Variants in PTAR1 observed in about 807,000 individuals in gnomAD.
The protein encoded by PTAR1 is protein prenyltransferase alpha subunit repeat containing 1.
A neutral mutation model predicts 45.5 loss-of-function variants in PTAR1; 17 were observed. The ratio of observed to expected loss-of-function variants is 0.37; its 90% CI spans 0.26 to 0.56. The LOEUF (loss-of-function observed/expected upper bound fraction) is 0.56, where lower values mean the gene tolerates loss of function less well. Among genes scored for constraint, PTAR1 ranks in the 20% least tolerant of loss-of-function variants. The pLI, the probability that PTAR1 is intolerant of heterozygous loss-of-function variation, is 0.77. For missense variants in PTAR1, 391 were observed against 476.3 expected, an observed-to-expected ratio of 0.82 and a Z score of 1.67; for synonymous variants, 169 against 171.3, an observed-to-expected ratio of 0.99 and a Z score of 0.11.
chr9:69,711,002 A>T lies in PTAR1; in HGVS notation c.*7340T>A, dbSNP rs990818352. 6.6e-6 allele frequency: 1 copy of T among 152,128 alleles called. No homozygotes were observed. Among genetic ancestry groups the T allele is most frequent in the African/African-American group, 2.4e-5 (1 of 41,440 alleles). 9.4% of individuals were successfully genotyped at this position (152,128 alleles called of 1,614,324 possible). ...AAGCTCCTCCATGTTAAATTATGCAATTGACTAGTGTCCACAAAATTCGAG... is the reference window on the plus strand; with the variant it reads ...AAGCTCCTCCATGTTAAATTATGCATTTGACTAGTGTCCACAAAATTCGAG... On this transcript the variant is annotated 3_prime_UTR_variant, in exon 8 of 8. Coordinates refer to ENST00000340434, the MANE Select transcript of PTAR1 (RefSeq NM_001099666.2).
chr9:69,750,214 G>C (rs1320032162), intron 2 of PTAR1, among the ~76,000 whole-genome samples: 1 of 151,948 alleles, frequency 6.6e-6, no homozygotes, highest in Non-Finnish European at 1.5e-5. Context: ...TGGAAGAAGT[G>C]AATGCCGGAT....
At position 69,718,250 on chromosome 9, in the gene PTAR1, A is replaced by C. The variant is rs982330570; in HGVS notation, c.*92T>G. ...AAAGACGAAGAACATATGGTTAGCCAATAATAGTAAACAGTTCATGCAACT... is the reference window on the plus strand; with the variant it reads ...AAAGACGAAGAACATATGGTTAGCCCATAATAGTAAACAGTTCATGCAACT... On this transcript the variant is annotated 3_prime_UTR_variant, in exon 8 of 8. Coordinates refer to ENST00000340434, the MANE Select transcript of PTAR1 (RefSeq NM_001099666.2). 1 of 839,148 alleles carries C rather than the reference A, an allele frequency of 1.2e-6. No individual in the cohort carries two copies. The highest frequency in any genetic ancestry group is 1.7e-5 in the African/African-American group (1 of 58,350). The allele number at this position is 839,148 out of a possible 1,614,324, so 52.0% of individuals were successfully genotyped here.
At chr9:69,749,683 A>G (rs1826437889) in intron 2 of PTAR1, among the ~76,000 whole-genome samples, 2 of 152,118 alleles carry the variant, frequency 1.3e-5, no homozygotes, top group Admixed American at 1.3e-4. Flanking sequence ...AGTGTTATTA[A>G]CCAATTAATG....
At chr9:69,743,936 T>C (rs1564142536) in intron 2 of PTAR1, among the ~76,000 whole-genome samples, 1 of 152,200 alleles carries the variant, frequency 6.6e-6, no homozygotes, top group African/African-American at 2.4e-5. Flanking sequence ...AATTAATTCT[T>C]AGTGGAATTA....
At chr9:69,748,330 G>A (rs1173929921) in intron 2 of PTAR1, among the ~76,000 whole-genome samples, 1 of 151,592 alleles carries the variant, frequency 6.6e-6, no homozygotes, top group Non-Finnish European at 1.5e-5. Context: ...TCTTATATCT[G>A]TTATGGATTT....
chr9:69,757,171 G>C (rs1402326517), intron 1 of PTAR1: 1 of 152,182 alleles, frequency 6.6e-6, no homozygotes, highest in African/African-American at 2.4e-5. Flanking sequence ...TGCTGGATAA[G>C]ATTAATTTTA....
At chr9:69,741,092 G>A (rs1204379473) in intron 3 of PTAR1, among the ~76,000 whole-genome samples, 1 of 152,072 alleles carries the variant, frequency 6.6e-6, no homozygotes, top group African/African-American at 2.4e-5. Context: ...AATGTCTCAG[G>A]GCTCAGTCTT....
chr9:69,744,324 CA>C (rs201463971), intron 2 of PTAR1, among the ~76,000 whole-genome samples: 1 of 148,692 alleles, frequency 6.7e-6, no homozygotes, highest in African/African-American at 2.5e-5. Flanking sequence ...TAATATTTAA[CA>C]AAAAAAAAGT....
rs537929943 is a variant in PTAR1, at chr9:69,709,953, C to T, written c.*8389G>A. 4 of 152,148 alleles carry T rather than the reference C, an allele frequency of 2.6e-5. No homozygotes were observed. Among genetic ancestry groups the T allele is most frequent in the African/African-American group, 7.2e-5 (3 of 41,510 alleles). 9.4% of individuals were successfully genotyped at this position (152,148 alleles called of 1,614,324 possible). A position where few individuals can be genotyped will look rare whatever the true frequency, so the allele number is the denominator to read the frequency against. Reference sequence around the variant, plus strand: ...TATTTTACATGGTATGGAATTATTCCTCCTTAATAATGCTTGGCAAATTGG... The same window carrying T: ...TATTTTACATGGTATGGAATTATTCTTCCTTAATAATGCTTGGCAAATTGG... On this transcript the variant is annotated 3_prime_UTR_variant, in exon 8 of 8. Coordinates refer to ENST00000340434, the MANE Select transcript of PTAR1 (RefSeq NM_001099666.2).
chr9:69,725,718 A>T (rs1825246109), intron 5 of PTAR1, among the ~76,000 whole-genome samples: 1 of 152,084 alleles, frequency 6.6e-6, no homozygotes, highest in South Asian at 2.1e-4. Flanking sequence ...TAGAAACTTT[A>T]ACTGGAATTT....
intron 2 of PTAR1, among the ~76,000 whole-genome samples, chr9:69,748,477 G>A (rs1826376379): frequency 6.6e-6 from 1 of 152,030 alleles, no homozygotes; most frequent in South Asian, 2.1e-4. Context: ...AATTCAGCAG[G>A]TTAATGAAAA....
At chr9:69,718,953 A>G (rs1432890155) in intron 6 of PTAR1, among the ~76,000 whole-genome samples, 1 of 152,188 alleles carries the variant, frequency 6.6e-6, no homozygotes, top group African/African-American at 2.4e-5. Context: ...TGAGATGACA[A>G]TGACTTGGAG....
chr9:69,718,383 C>T lies in PTAR1; in HGVS notation c.1168G>A (p.Ala390Thr). The T allele has an allele frequency of 6.2e-7, 1 of 1,612,528 alleles. No homozygotes were observed. Among genetic ancestry groups the T allele is most frequent in the Non-Finnish European group, 8.5e-7 (1 of 1,178,954 alleles). The change falls in exon 8 of 8, where the codon GCC (alanine) becomes ACC (threonine). Residue 390 changes from alanine to threonine, a missense_variant. Ala to Thr is a moderately conservative substitution (Grantham distance 58). Around this residue, in one of 5 missense-constraint regions of PTAR1, gnomAD observed 181 missense variants for 227.7 expected, o/e 0.80. Coordinates refer to ENST00000340434, the MANE Select transcript of PTAR1 (RefSeq NM_001099666.2). ...ACCAGCCATTTCCTGTATGCACTGG[C>T]AAACCTGGCTTGCTCCACGTTCCGA... ...TCRNVEQARFASAYRKWLVTL... is the reference protein window; with the variant it reads ...TCRNVEQARFTSAYRKWLVTL...
chr9:69,753,528 A>C (rs899436533), intron 1 of PTAR1, among the ~76,000 whole-genome samples: 1 of 152,180 alleles, frequency 6.6e-6, no homozygotes, highest in Admixed American at 6.5e-5. Context: ...ATATACATAC[A>C]TATCAGTATC....
In PTAR1 at chr9:69,750,841, G is replaced by A. The variant is rs1422721890; in HGVS notation, c.196C>T (p.Pro66Ser). Residue 66 changes from proline (P) to serine (S), a missense_variant, in exon 2 of 8, where the codon CCA becomes TCA. By Grantham distance (74) the Pro-to-Ser change is moderately conservative. Around this residue, in one of 5 missense-constraint regions of PTAR1, gnomAD observed 152 missense variants for 160.0 expected, o/e 0.95. Coordinates refer to ENST00000340434, the MANE Select transcript of PTAR1 (RefSeq NM_001099666.2). Reference protein sequence around the residue: ...VESWCVKFLLPYVHNKLLLYR... With the variant: ...VESWCVKFLLSYVHNKLLLYR... Reference sequence around the variant, plus strand: ...AAAAGGAGCTTGTTGTGGACATATGGTAAAAGGAACTTGACACACCAGCTC... The same window carrying A: ...AAAAGGAGCTTGTTGTGGACATATGATAAAAGGAACTTGACACACCAGCTC... 1.2e-6 allele frequency: 2 copies of A among 1,611,434 alleles called. No homozygotes were observed. The highest frequency in any genetic ancestry group is 4.5e-5 in the East Asian group (2 of 44,836).
Position 69,728,597 on chromosome 9 carries a change from T to G in PTAR1, c.642+3542A>C, listed in dbSNP as rs371301745. Among the ~76,000 whole-genome samples the G allele has an allele frequency of 5.9e-5, 9 of 152,330 alleles. No homozygotes were observed. The South Asian group carries it at 1.2e-3, about 21-fold the overall frequency. ...TAAAGATGGTGAATATCTTTTCATGTCCTTATTGGTGGTGTGGGTAGGTTT... is the reference window on the plus strand; with the variant it reads ...TAAAGATGGTGAATATCTTTTCATGGCCTTATTGGTGGTGTGGGTAGGTTT... On this transcript the variant is annotated intron_variant, in intron 5 of 7. Coordinates refer to ENST00000340434, the MANE Select transcript of PTAR1 (RefSeq NM_001099666.2).
At chr9:69,736,437 G>A (rs556774098) in intron 3 of PTAR1, among the ~76,000 whole-genome samples, 1 of 152,132 alleles carries the variant, frequency 6.6e-6, no homozygotes, top group Non-Finnish European at 1.5e-5. Context: ...CGCACCTGTA[G>A]TCCCAGCTAC....
At position 69,759,842 on chromosome 9, in the gene PTAR1, G is replaced by A; in HGVS notation, c.86+11C>T. On this transcript the variant is annotated intron_variant, in intron 1 of 7. Coordinates refer to ENST00000340434, the MANE Select transcript of PTAR1 (RefSeq NM_001099666.2). ...GACGACCCTCGGAGGCGGCGGAGGC[G>A]CGCGACTCACATGTGTGGGTTCCTC... is the stretch of plus-strand genomic sequence containing the variant. The A allele has an allele frequency of 1.3e-6, 2 of 1,516,630 alleles. No homozygotes were observed. Among genetic ancestry groups the A allele is most frequent in the South Asian group, 1.2e-5 (1 of 81,604 alleles). 93.9% of individuals were successfully genotyped at this position (1,516,630 alleles called of 1,614,324 possible).
rs1824517692 is a variant in PTAR1 at position 69,711,369 on chromosome 9, C to T, written c.*6973G>A. On this transcript the variant is annotated 3_prime_UTR_variant, in exon 8 of 8. Transcript: ENST00000340434. The stretch of plus-strand genomic sequence containing the variant: ...GAATGTTTATTTGTGTTTTATAAAA[C>T]TGTTTAATCTTTTTACATTAGGTAA... 1 of 152,136 alleles carries T rather than the reference C, an allele frequency of 6.6e-6. No homozygotes were observed. Among genetic ancestry groups the T allele is most frequent in the Non-Finnish European group, 1.5e-5 (1 of 68,008 alleles). The allele number at this position is 152,136 out of a possible 1,614,324, so 9.4% of individuals were successfully genotyped here. A position where few individuals can be genotyped will look rare whatever the true frequency, so the allele number is the denominator to read the frequency against.
Sources: gnomAD v4.1 joint callset for allele counts (sites outside exome capture counted in the v4.1 genomes callset) on GRCh38, gnomAD v4.1.1 for gene constraint, gnomAD v4.1.1 regional missense constraint, MANE v1.5 for transcripts, NCBI Gene and HGNC (gene_info 2026-07-23, HGNC 2026-07-21) for gene names.